Variants in USH2A observed in about 807,000 individuals in gnomAD.
USH2A encodes the protein Usher syndrome 2A (autosomal recessive, mild).
USH2A carries 443 observed loss-of-function variants against 538.9 expected under a neutral mutation model. The ratio of observed to expected loss-of-function variants is 0.82; its 90% CI spans 0.76 to 0.89. USH2A has a LOEUF of 0.89. Ranked by LOEUF, USH2A falls within the 40% of genes least tolerant of loss-of-function variation. The pLI, the probability that USH2A is intolerant of heterozygous loss-of-function variation, is 0.00. For synonymous variants in USH2A, 2,413 were observed against 2,273.5 expected (o/e 1.06, Z -1.75); for missense variants, 6,633 against 6,324.8 (o/e 1.05, Z -1.65).
chr1:215,753,448 T>C (rs1046429864), intron 58 of USH2A, among the ~76,000 whole-genome samples: 1 of 152,178 alleles, frequency 6.6e-6, no homozygotes, highest in Non-Finnish European at 1.5e-5. Flanking sequence ...TAAGAAAATG[T>C]GGCACATATA....
rs954130775 is a variant in USH2A at position 215,889,164 on chromosome 1, G to T, written c.7595-110C>A. 2.6e-5 allele frequency: 31 copies of T among 1,202,396 alleles called. No homozygotes were observed. The East Asian group carries it at 8.8e-4, about 34-fold the overall frequency. 74.5% of individuals were successfully genotyped at this position (1,202,396 alleles called of 1,614,324 possible). On this transcript the variant is annotated intron_variant, in intron 40 of 71. Coordinates refer to ENST00000307340, the MANE Select transcript of USH2A (RefSeq NM_206933.4). ...TACAAGGATATGAAAATGAACACTT[G>T]GTAAAGGCCAATAAGTAAATAAATA...
chr1:216,014,852 C>A (rs1161960014), intron 32 of USH2A, among the ~76,000 whole-genome samples: 1 of 152,174 alleles, frequency 6.6e-6, no homozygotes, highest in Non-Finnish European at 1.5e-5. Context: ...TGATTTCATG[C>A]TGTTGTTCAG....
chr1:215,768,325 C>A (rs1460467599), intron 55 of USH2A, among the ~76,000 whole-genome samples: 2 of 152,214 alleles, frequency 1.3e-5, no homozygotes, highest in Non-Finnish European at 2.9e-5. Context: ...AGGATTGTGA[C>A]AGGCACAAAG....
intron 47 of USH2A, among the ~76,000 whole-genome samples, chr1:215,818,915 C>T (rs1278476271): frequency 6.6e-6 from 1 of 151,676 alleles, no homozygotes; most frequent in Non-Finnish European, 1.5e-5. Flanking sequence ...TGCAGTGTAG[C>T]ACAGCAAAGA....
At chr1:215,952,349 T>C (rs900193014) in intron 37 of USH2A, among the ~76,000 whole-genome samples, 18 of 152,252 alleles carry the variant, frequency 1.2e-4, no homozygotes, top group Admixed American at 9.2e-4. Flanking sequence ...CCAGTCTGTG[T>C]CTTTTAACTG....
intron 70 of USH2A, among the ~76,000 whole-genome samples, chr1:215,630,447 T>C (rs1338961351): frequency 2.8e-5 from 4 of 144,832 alleles, no homozygotes; most frequent in Non-Finnish European, 6.0e-5. Context: ...TATATACATA[T>C]ATATGTGAAT....
At chr1:215,630,068 ATGT>A (rs1165896970) in intron 70 of USH2A, 11 of 512,434 alleles carry the variant, frequency 2.1e-5, no homozygotes, top group African/African-American at 3.9e-5. Flanking sequence ...GTTTTCACTC[ATGT>A]TGTTCAGCTT....
chr1:215,749,465 G>A (rs750393590), intron 58 of USH2A, among the ~76,000 whole-genome samples: 15 of 152,086 alleles, frequency 9.9e-5, no homozygotes, highest in Admixed American at 6.5e-5. Flanking sequence ...CTGTGAACAC[G>A]TAAAACACTG....
chr1:215,840,882 G>C (rs1663659840), intron 46 of USH2A, among the ~76,000 whole-genome samples: 1 of 152,118 alleles, frequency 6.6e-6, no homozygotes. Context: ...TTTGGAGCAT[G>C]ATTTCTATTT....
At chr1:216,197,981 C>A (rs2034889438) in intron 18 of USH2A, among the ~76,000 whole-genome samples, 1 of 152,038 alleles carries the variant, frequency 6.6e-6, no homozygotes, top group Non-Finnish European at 1.5e-5. Flanking sequence ...GTATATGGAG[C>A]AAGATGAGAC....
At chr1:216,383,955 C>T (rs549578676) in intron 3 of USH2A, among the ~76,000 whole-genome samples, 1 of 150,902 alleles carries the variant, frequency 6.6e-6, no homozygotes, top group African/African-American at 2.4e-5. Context: ...CCTGCGTAGG[C>T]CTCCCAAAGT....
At chr1:216,397,439 T>C (rs931528241) in intron 3 of USH2A, among the ~76,000 whole-genome samples, 9 of 152,146 alleles carry the variant, frequency 5.9e-5, no homozygotes, top group South Asian at 4.1e-4. Context: ...CCAGAGGAGA[T>C]TGACATATAA....
chr1:215,719,786 A>G (rs997322498), intron 61 of USH2A, among the ~76,000 whole-genome samples: 11 of 152,208 alleles, frequency 7.2e-5, no homozygotes, highest in African/African-American at 2.4e-4. Context: ...CAGATGAATT[A>G]TAGGAGAATG....
intron 64 of USH2A, among the ~76,000 whole-genome samples, chr1:215,665,392 G>A (rs1657575010): frequency 6.6e-6 from 1 of 152,132 alleles, no homozygotes; most frequent in Non-Finnish European, 1.5e-5. Context: ...GTGCGTGGGT[G>A]CTTACCGCAA....
In USH2A at chr1:215,998,916, G is replaced by T. The variant is rs192115090; in HGVS notation, c.6628C>A (p.Pro2210Thr). Residue 2210 changes from proline (P) to threonine (T), a missense_variant, in exon 34 of 72, where the codon CCT becomes ACT. Physicochemically the swap from Pro to Thr is conservative, Grantham distance 38. Transcript: ENST00000307340. The stretch of plus-strand genomic sequence containing the variant: ...AGCTTGATGAGATATTTATTACCAG[G>T]TAAAACGTATTGTAGCATATGATCC... ...FQDHMLQYVL[P>T]GNKYLIKLGA... 4 of 1,613,144 alleles carry T rather than the reference G, an allele frequency of 2.5e-6. No individual in the cohort carries two copies. The highest frequency in any genetic ancestry group is 2.5e-6 in the Non-Finnish European group (3 of 1,179,494).
chr1:216,205,237 A>G (rs2102477834), intron 16 of USH2A, among the ~76,000 whole-genome samples: 1 of 152,334 alleles, frequency 6.6e-6, no homozygotes, highest in African/African-American at 2.4e-5. Flanking sequence ...CATTTTCAAT[A>G]TTTTTATAAC....
chr1:216,353,042 T>C (rs565039304), intron 4 of USH2A, among the ~76,000 whole-genome samples: 2 of 152,164 alleles, frequency 1.3e-5, no homozygotes, highest in Admixed American at 1.3e-4. Context: ...ATTTAACCTA[T>C]GCTGTGGTAG....
intron 35 of USH2A, among the ~76,000 whole-genome samples, chr1:215,979,391 C>T (rs1667698188): frequency 6.6e-6 from 1 of 152,090 alleles, no homozygotes; most frequent in African/African-American, 2.4e-5. Flanking sequence ...TTGAATGACA[C>T]TACAAGGAGT....
intron 4 of USH2A, among the ~76,000 whole-genome samples, chr1:216,353,337 G>C (rs2038322359): frequency 6.6e-6 from 1 of 151,812 alleles, no homozygotes; most frequent in African/African-American, 2.4e-5. Context: ...TGAACAAACA[G>C]AGCCGCTGGG....
Sources: allele counts gnomAD v4.1 joint callset (sites outside exome capture counted in the v4.1 genomes callset), GRCh38; gene constraint gnomAD v4.1.1; transcripts MANE v1.5; gene names NCBI Gene and HGNC (gene_info 2026-07-23, HGNC 2026-07-21).